Variants in GATA4 observed in about 807,000 individuals in gnomAD.
GATA4 encodes the protein transcription factor GATA-4.
A neutral mutation model predicts 37.9 loss-of-function variants in GATA4; 7 were observed. The ratio of observed to expected loss-of-function variants is 0.18; its 90% CI spans 0.11 to 0.35. The LOEUF (loss-of-function observed/expected upper bound fraction) is 0.35. Ranked by LOEUF, GATA4 falls within the 10% of genes least tolerant of loss-of-function variation. GATA4 has a pLI of 1.00. For synonymous variants in GATA4, 372 were observed against 292.6 expected (o/e 1.27, Z -2.77); for missense variants, 647 against 653.0 (o/e 0.99, Z 0.10).
chr8:11,697,703 C>T (rs1481234379), intron 1 of GATA4: 5 of 985,358 alleles, frequency 5.1e-6, no homozygotes, highest in South Asian at 4.7e-5. Context: ...CGCACTTGGG[C>T]TTCGCGCTTC....
At chr8:11,693,868 G>A (rs1275513465) in intron 1 of GATA4, among the ~76,000 whole-genome samples, 1 of 152,206 alleles carries the variant, frequency 6.6e-6, no homozygotes, top group African/African-American at 2.4e-5. Flanking sequence ...ACAGCACAGA[G>A]TCCGCAGGCA....
chr8:11,745,213 A>G (rs1801967940), intron 2 of GATA4, among the ~76,000 whole-genome samples: 1 of 152,188 alleles, frequency 6.6e-6, no homozygotes, highest in Non-Finnish European at 1.5e-5. Flanking sequence ...CAAGGCAGCC[A>G]GAGGTGAGTC....
intron 2 of GATA4, among the ~76,000 whole-genome samples, chr8:11,710,161 G>A (rs1800109652): frequency 6.6e-6 from 1 of 152,148 alleles, no homozygotes; most frequent in Non-Finnish European, 1.5e-5. Context: ...AAGGTTCCCG[G>A]GGGTGCAGCC....
At chr8:11,736,219 T>G (rs1201187338) in intron 2 of GATA4, among the ~76,000 whole-genome samples, 2 of 152,210 alleles carry the variant, frequency 1.3e-5, no homozygotes, top group African/African-American at 4.8e-5. Flanking sequence ...TGAATTTTTG[T>G]AGCAATTAAA....
chr8:11,723,952 A>G (rs1800796326), intron 2 of GATA4, among the ~76,000 whole-genome samples: 1 of 152,166 alleles, frequency 6.6e-6, no homozygotes, highest in Non-Finnish European at 1.5e-5. Context: ...GAAACTCTGT[A>G]CCCATTAAAT....
At chr8:11,715,762 T>C (rs1156358729) in intron 2 of GATA4, among the ~76,000 whole-genome samples, 2 of 151,892 alleles carry the variant, frequency 1.3e-5, no homozygotes, top group Non-Finnish European at 2.9e-5. Flanking sequence ...ACAACTCAAA[T>C]CATCTTAGCC....
intron 1 of GATA4, among the ~76,000 whole-genome samples, chr8:11,705,489 T>C (rs1799853664): frequency 6.6e-6 from 1 of 152,094 alleles, no homozygotes; most frequent in South Asian, 2.1e-4. Context: ...GGAAGAGGGC[T>C]ATTGGTTGAT....
rs1802605528 is a variant in GATA4, at chr8:11,756,975, T to C, written c.1041T>C (p.Ala347=). The change falls in exon 6 of 7, where the codon GCT becomes GCC. Residue 347 remains alanine (A), a synonymous_variant. Coordinates refer to ENST00000532059, the MANE Select transcript of GATA4 (RefSeq NM_001308093.3). ...AGAGCCTTCCTCCCGCCAGCGGTGC[T>C]TCCAGCAACTCCAGCAACGCCACCA... The part of the protein sequence containing the change: ...GSESLPPASG[A]SSNSSNATTS... The C allele has an allele frequency of 6.2e-7, 1 of 1,614,116 alleles. No individual in the cohort carries two copies. The highest frequency in any genetic ancestry group is 1.7e-5 in the Admixed American group (1 of 60,006).
At position 11,719,199 on chromosome 8, in the gene GATA4, G is replaced by A. The variant is rs539649223; in HGVS notation, c.616+10271G>A. ...ATATTTTATCAGGTATTAGGTGGGGGAGTCCTTTTTTTTTTTTTCCTTCTT... is the reference window on the plus strand; with the variant it reads ...ATATTTTATCAGGTATTAGGTGGGGAAGTCCTTTTTTTTTTTTTCCTTCTT... On this transcript the variant is annotated intron_variant, in intron 2 of 6. Coordinates refer to ENST00000532059, the MANE Select transcript of GATA4 (RefSeq NM_001308093.3). 7.3e-5 allele frequency among the ~76,000 whole-genome samples: 11 copies of A among 151,600 alleles called. No homozygotes were observed. In the East Asian group the frequency reaches 2.1e-3, roughly 29 times the overall value.
intron 1 of GATA4, among the ~76,000 whole-genome samples, chr8:11,686,489 A>G (rs190537741): frequency 6.6e-6 from 1 of 152,200 alleles, no homozygotes; most frequent in African/African-American, 2.4e-5. Flanking sequence ...ATTTTTGCAA[A>G]TCACAGAATT....
Position 11,757,081 on chromosome 8 carries a change from C to G in GATA4, c.1147C>G (p.Gln383Glu). Residue 383 changes from glutamine (Q) to glutamate (E), a missense_variant and splice_region_variant, in exon 6 of 7, where the codon CAG becomes GAG. Gln to Glu is a conservative substitution (Grantham distance 29). Around this residue, in one of 5 missense-constraint regions of GATA4, gnomAD observed 184 missense variants for 157.1 expected, o/e 1.17. Transcript: ENST00000532059. ...CTACGGGCACAGCAGCTCCGTGTCC[C>G]AGGTACGCGCCATGGCTGGGGCGCC... ...SHYGHSSSVS[Q>E]TFSVSAMSGH... The G allele has an allele frequency of 6.2e-7, 1 of 1,613,906 alleles. No individual in the cohort carries two copies.
chr8:11,680,361 A>T (rs1798917872), intron 1 of GATA4: 1 of 474,894 alleles, frequency 2.1e-6, no homozygotes, highest in Admixed American at 6.4e-5. Context: ...AATCTCTGCA[A>T]GTAACTAACC....
intron 1 of GATA4, chr8:11,681,490 CGCGGG>C (rs1426738803): frequency 1.7e-5 from 13 of 755,898 alleles, no homozygotes; most frequent in African/African-American, 1.0e-4. Flanking sequence ...GTGCGGCGCT[CGCGGG>C]GGGGGGGGGG....
Position 11,728,093 on chromosome 8 carries a change from C to T in GATA4, c.616+19165C>T, listed in dbSNP as rs554826349. Among the ~76,000 whole-genome samples, 6 of 152,184 alleles carry T rather than the reference C, an allele frequency of 3.9e-5. No individual in the cohort carries two copies. The South Asian group carries it at 8.3e-4, about 21-fold the overall frequency. ...GCAACCTCTACCTCCCAGGTTCAAGCGATTCTCCTGCCTCAGCCTCCCGAG... is the reference window on the plus strand; with the variant it reads ...GCAACCTCTACCTCCCAGGTTCAAGTGATTCTCCTGCCTCAGCCTCCCGAG... On this transcript the variant is annotated intron_variant, in intron 2 of 6. Coordinates refer to ENST00000532059, the MANE Select transcript of GATA4 (RefSeq NM_001308093.3).
chr8:11,691,149 T>A (rs1799300611), upstream of GATA4, among the ~76,000 whole-genome samples: 1 of 152,250 alleles, frequency 6.6e-6, no homozygotes, highest in African/African-American at 2.4e-5. Context: ...ATGTCCAGTG[T>A]TACTCAGTAA....
Position 11,749,092 on chromosome 8 carries a change from A to T in GATA4, c.786+7A>T. On this transcript the variant is annotated splice_region_variant and intron_variant, in intron 3 of 6. Transcript: ENST00000532059. The surrounding 1 kb of genome is among the most constrained non-coding windows in gnomAD (Gnocchi z 4.6). ...CAAGCCTCAGCGCCGGCTGGTAAGC[A>T]CGTGCCTCGCAGCCTCCTCTGGGCA... is the stretch of plus-strand genomic sequence containing the variant. 6.2e-7 allele frequency: 1 copy of T among 1,613,998 alleles called. No individual in the cohort carries two copies. Among genetic ancestry groups the T allele is most frequent in the Non-Finnish European group, 8.5e-7 (1 of 1,179,964 alleles).
intron 2 of GATA4, among the ~76,000 whole-genome samples, chr8:11,725,851 G>T (rs989789644): frequency 6.6e-6 from 1 of 152,202 alleles, no homozygotes; most frequent in African/African-American, 2.4e-5. Flanking sequence ...CGGGAAAGGG[G>T]CCTGGGCCCG....
intron 2 of GATA4, among the ~76,000 whole-genome samples, chr8:11,725,452 G>A (rs1800874658): frequency 6.6e-6 from 1 of 152,252 alleles, no homozygotes; most frequent in Admixed American, 6.5e-5. Context: ...CCGGCTCCGG[G>A]CACACGCTGG....
At chr8:11,738,548 G>A (rs1053153572) in intron 2 of GATA4, among the ~76,000 whole-genome samples, 11 of 152,206 alleles carry the variant, frequency 7.2e-5, no homozygotes, top group Non-Finnish European at 1.6e-4. Flanking sequence ...ATTGATGAAC[G>A]TAAGAGTTGT....
Sources: gnomAD v4.1 joint callset for allele counts (sites outside exome capture counted in the v4.1 genomes callset) on GRCh38, gnomAD v4.1.1 for gene constraint, gnomAD v4.1.1 regional missense constraint, Gnocchi (gnomAD v3.1) non-coding constraint, MANE v1.5 for transcripts, NCBI Gene and HGNC (gene_info 2026-07-23, HGNC 2026-07-21) for gene names.